The following CDKN1A variants were observed in gnomAD, a reference collection of about 807,000 sequenced individuals.
CDKN1A encodes the protein cyclin-dependent kinase inhibitor 1.
In CDKN1A, 14 loss-of-function variants were observed where a neutral mutation model predicts 14.8. The observed-to-expected ratio is 0.94, with a 90% confidence interval of 0.62 to 1.48. The LOEUF (loss-of-function observed/expected upper bound fraction) is 1.48. Ranked by LOEUF, CDKN1A falls within the 40% of genes most tolerant of loss-of-function variation. The pLI, the probability that CDKN1A is intolerant of heterozygous loss-of-function variation, is 0.00. For synonymous variants in CDKN1A, 92 were observed against 93.5 expected (o/e 0.98, Z 0.09); for missense variants, 203 against 231.7 (o/e 0.88, Z 0.80).
intron 1 of CDKN1A, among the ~76,000 whole-genome samples, chr6:36,679,170 A>C (rs937116383): frequency 6.6e-6 from 1 of 152,220 alleles, no homozygotes; most frequent in Non-Finnish European, 1.5e-5. Flanking sequence ...TCCAGGCCCC[A>C]GGCGCAGTTT....
chr6:36,687,116 T>C lies in CDKN1A; in HGVS notation c.*1316T>C, dbSNP rs1762236974. 4.3e-6 allele frequency: 1 copy of C among 233,182 alleles called. No homozygotes were observed. Among genetic ancestry groups the C allele is most frequent in the Admixed American group, 5.6e-5 (1 of 17,780 alleles). 14.4% of individuals were successfully genotyped at this position (233,182 alleles called of 1,614,324 possible). On this transcript the variant is annotated 3_prime_UTR_variant, in exon 3 of 3. Transcript: ENST00000244741. ...TGAAGTGCTTAGTGTACTTGGAGTATTGGGGTCTGACCCCAAACACCTTCC... is the reference window on the plus strand; with the variant it reads ...TGAAGTGCTTAGTGTACTTGGAGTACTGGGGTCTGACCCCAAACACCTTCC...
At chr6:36,685,694 C>A in intron 2 of CDKN1A, 57 bp from the exon 3 acceptor site, 1 of 1,580,914 alleles carries the variant, frequency 6.3e-7, no homozygotes, top group Non-Finnish European at 8.7e-7. Context: ...CTCAGTTGGG[C>A]AGCTCCGCCG....
At chr6:36,680,285 C>A (rs1316598214) in intron 1 of CDKN1A, among the ~76,000 whole-genome samples, 1 of 137,834 alleles carries the variant, frequency 7.3e-6, no homozygotes, top group Non-Finnish European at 1.6e-5. Context: ...CCGGCGCGCG[C>A]GCGCGTGCGT....
chr6:36,681,334 T>TCTTTCTTTC (rs1554185368), intron 1 of CDKN1A, among the ~76,000 whole-genome samples: 8 of 86,126 alleles, frequency 9.3e-5, no homozygotes, highest in African/African-American at 3.5e-4. Context: ...CTTTCTTTCT[T>TCTTTCTTTC]TTTCTTTCTT....
chr6:36,681,338 C>CTT (rs1554185372), intron 1 of CDKN1A, among the ~76,000 whole-genome samples: 13 of 101,774 alleles, frequency 1.3e-4, no homozygotes, highest in South Asian at 9.5e-4. Flanking sequence ...CTTTCTTTTT[C>CTT]TTTCTTTCTT....
chr6:36,682,138 A>G (rs1464706524), intron 1 of CDKN1A, among the ~76,000 whole-genome samples: 1 of 152,170 alleles, frequency 6.6e-6, no homozygotes, highest in Non-Finnish European at 1.5e-5. Flanking sequence ...CTCAGGGCAA[A>G]CAGGCCTGGG....
In CDKN1A at chr6:36,678,777, G is replaced by T. The variant is rs1184127230; in HGVS notation, c.-27G>T. On this transcript the variant is annotated 5_prime_UTR_variant, in exon 1 of 3. In the 5' UTR this introduces an upstream ATG that the reference lacks. Coordinates refer to ENST00000244741, the MANE Select transcript of CDKN1A (RefSeq NM_000389.5). This position sits in a 1 kb window ranked among gnomAD's most constrained non-coding sequence, Gnocchi z 5.7. ...CCGGAGCTGGGCGCGGATTCGCCGAGGCACCGAGGCACTCAGAGGAGGTGA... is the reference window on the plus strand; with the variant it reads ...CCGGAGCTGGGCGCGGATTCGCCGATGCACCGAGGCACTCAGAGGAGGTGA... The T allele has an allele frequency of 1.0e-6, 1 of 985,784 alleles. No homozygotes were observed. 61.1% of individuals were successfully genotyped at this position (985,784 alleles called of 1,614,324 possible).
chr6:36,681,288 CTTT>C (rs1761946596), intron 1 of CDKN1A, among the ~76,000 whole-genome samples: 1 of 112,038 alleles, frequency 8.9e-6, no homozygotes, highest in Non-Finnish European at 1.9e-5. Context: ...TTTTTTCTTT[CTTT>C]CTTTCTTTCT....
rs376613761 is a variant in CDKN1A at position 36,679,642 on chromosome 6, C to T, written c.-6+844C>T. On this transcript the variant is annotated intron_variant, in intron 1 of 2. Coordinates refer to ENST00000244741, the MANE Select transcript of CDKN1A (RefSeq NM_000389.5). Reference sequence around the variant, plus strand: ...AGGTCCGGGACACCGCGTCGGGTCCCCGCTCCGCGGCGCGCTGTAGGGGTC... The same window carrying T: ...AGGTCCGGGACACCGCGTCGGGTCCTCGCTCCGCGGCGCGCTGTAGGGGTC... Among the ~76,000 whole-genome samples the T allele has an allele frequency of 6.6e-4, 101 of 152,350 alleles. 2 individuals are homozygous for T. In the South Asian group the frequency reaches 0.02, roughly 31 times the overall value.
chr6:36,677,711 A>G, upstream of CDKN1A: 2 of 447,044 alleles, frequency 4.5e-6, 1 homozygote, highest in South Asian at 4.0e-5. Context: ...AAGGATGACA[A>G]GCAGAGAGCC....
chr6:36,677,267 G>C (rs1475117097), upstream of CDKN1A, among the ~76,000 whole-genome samples: 2 of 152,070 alleles, frequency 1.3e-5, no homozygotes, highest in Non-Finnish European at 2.9e-5. Context: ...ACCCCTACCT[G>C]GGCTCCCATC....
chr6:36,683,543 C>T (rs1379532231), intron 1 of CDKN1A, among the ~76,000 whole-genome samples: 3 of 152,214 alleles, frequency 2.0e-5, no homozygotes, highest in Non-Finnish European at 4.4e-5. Flanking sequence ...AGAGCTAGGA[C>T]CACAACCCGG....
At chr6:36,676,619 A>G (rs1186983999), upstream of CDKN1A, 1 of 152,122 alleles carries the variant, frequency 6.6e-6, no homozygotes, top group Non-Finnish European at 1.5e-5. Flanking sequence ...CTGCCAGCAG[A>G]TCCTTGCGAC....
Position 36,686,016 on chromosome 6 carries a change from G to C in CDKN1A, c.*216G>C. 1 of 605,066 alleles carries C rather than the reference G, an allele frequency of 1.7e-6. No homozygotes were observed. Among genetic ancestry groups the C allele is most frequent in the Non-Finnish European group, 2.9e-6 (1 of 340,418 alleles). The allele number at this position is 605,066 out of a possible 1,614,324, so 37.5% of individuals were successfully genotyped here. A position where few individuals can be genotyped will look rare whatever the true frequency, so the allele number is the denominator to read the frequency against. On this transcript the variant is annotated 3_prime_UTR_variant, in exon 3 of 3. Coordinates refer to ENST00000244741, the MANE Select transcript of CDKN1A (RefSeq NM_000389.5). This position sits in a 1 kb window ranked among gnomAD's most constrained non-coding sequence, Gnocchi z 4.9. ...AGGCGGTTGAATGAGAGGTTCCTAA[G>C]AGTGCTGGGCATTTTTATTTTATGA...
At chr6:36,678,255 T>C, upstream of CDKN1A, 1 of 228,874 alleles carries the variant, frequency 4.4e-6, no homozygotes, top group South Asian at 5.2e-5. This position sits in a 1 kb window ranked among gnomAD's most constrained non-coding sequence, Gnocchi z 5.7. Flanking sequence ...GAGAGGTGCA[T>C]CGTTTTTATA....
At chr6:36,681,404 T>TCTTTCTTTCTTTCTTC (rs1242277678) in intron 1 of CDKN1A, among the ~76,000 whole-genome samples, 3 of 90,424 alleles carry the variant, frequency 3.3e-5, no homozygotes, top group East Asian at 7.5e-4. Flanking sequence ...TTTCTTTCTT[T>TCTTTCTTTCTTTCTTC]CTTCCTTTCT....
At chr6:36,681,471 C>T (rs1458065097) in intron 1 of CDKN1A, among the ~76,000 whole-genome samples, 1 of 147,688 alleles carries the variant, frequency 6.8e-6, no homozygotes, top group African/African-American at 2.5e-5. Flanking sequence ...CAGAGTTGCA[C>T]TCTGTCACCC....
chr6:36,685,752 T>C lies in CDKN1A; in HGVS notation c.447T>C (p.Asp149=), dbSNP rs751490716. The change falls in exon 3 of 3, where the codon GAT becomes GAC. Residue 149 remains aspartate (D), a splice_region_variant and synonymous_variant. Transcript: ENST00000244741. ...GRKRRQTSMT[D]FYHSKRRLIF... The stretch of plus-strand genomic sequence containing the variant: ...CTGACTTCTGCTGTCTCTCCTCAGA[T>C]TTCTACCACTCCAAACGCCGGCTGA... The C allele has an allele frequency of 2.0e-5, 32 of 1,614,026 alleles. No homozygotes were observed. Among genetic ancestry groups the C allele is most frequent in the Middle Eastern group, 3.3e-4 (2 of 6,084 alleles).
rs1227019129 is a variant in CDKN1A at position 36,678,811 on chromosome 6, C to T, written c.-6+13C>T. On this transcript the variant is annotated intron_variant, in intron 1 of 2. Transcript: ENST00000244741. This position sits in a 1 kb window ranked among gnomAD's most constrained non-coding sequence, Gnocchi z 5.7. ...GCACTCAGAGGAGGTGAGAGAGCGGCGGCAGACAACAGGGGACCCCGGGCC... is the reference window on the plus strand; with the variant it reads ...GCACTCAGAGGAGGTGAGAGAGCGGTGGCAGACAACAGGGGACCCCGGGCC... 2.0e-6 allele frequency: 2 copies of T among 985,582 alleles called. No individual in the cohort carries two copies. The highest frequency in any genetic ancestry group is 2.4e-6 in the Non-Finnish European group (2 of 830,148). 61.1% of individuals were successfully genotyped at this position (985,582 alleles called of 1,614,324 possible). A position where few individuals can be genotyped will look rare whatever the true frequency, so the allele number is the denominator to read the frequency against.
Sources: gnomAD v4.1 joint callset for allele counts (sites outside exome capture counted in the v4.1 genomes callset) on GRCh38, gnomAD v4.1.1 for gene constraint, Gnocchi (gnomAD v3.1) non-coding constraint, MANE v1.5 for transcripts, NCBI Gene and HGNC (gene_info 2026-07-23, HGNC 2026-07-21) for gene names.